Variants in LOXHD1 observed in about 807,000 individuals in gnomAD.
LOXHD1 encodes lipoxygenase homology PLAT domains 1.
Under a neutral mutation model 248.2 loss-of-function variants are expected in LOXHD1, and 205 were observed. That is an observed-to-expected ratio of 0.83 (90% confidence interval 0.74 to 0.93). The LOEUF (loss-of-function observed/expected upper bound fraction) is 0.93, where lower values mean the gene tolerates loss of function less well. LOXHD1 is among the 40% of genes least tolerant of loss of function. The pLI is 0.00. For missense variants in LOXHD1, 2,930 were observed against 2,971.6 expected, an observed-to-expected ratio of 0.99 and a Z score of 0.33; for synonymous variants, 1,113 against 1,162.8, an observed-to-expected ratio of 0.96 and a Z score of 0.87.
intron 21 of LOXHD1, among the ~76,000 whole-genome samples, chr18:46,547,734 C>T (rs1487066382): frequency 3.3e-5 from 5 of 152,306 alleles, no homozygotes; most frequent in South Asian, 2.1e-4. Context: ...ACCACTAATA[C>T]TTGTGCAATC....
intron 38 of LOXHD1, among the ~76,000 whole-genome samples, chr18:46,488,722 G>A (rs2033245609): frequency 6.6e-6 from 1 of 152,144 alleles, no homozygotes; most frequent in South Asian, 2.1e-4. Context: ...CAGCCTTCAG[G>A]TCAGGGTCAG....
intron 33 of LOXHD1, among the ~76,000 whole-genome samples, chr18:46,519,781 T>C (rs540908256): frequency 3.9e-5 from 6 of 152,198 alleles, no homozygotes; most frequent in African/African-American, 1.2e-4. Flanking sequence ...ACATCTCTTT[T>C]TATGTAATAA....
chr18:46,648,995 C>T (rs761890398), intron 2 of LOXHD1, among the ~76,000 whole-genome samples, 160 bp downstream of exon 2: 21 of 152,166 alleles, frequency 1.4e-4, no homozygotes, highest in South Asian at 2.1e-4. Flanking sequence ...GGGGGATCCC[C>T]AGCTGGTACA....
At chr18:46,508,506 C>T (rs1568112687) in intron 35 of LOXHD1, among the ~76,000 whole-genome samples, 1 of 152,128 alleles carries the variant, frequency 6.6e-6, no homozygotes, top group Non-Finnish European at 1.5e-5. Flanking sequence ...TTCTCTAGAG[C>T]CTTCAGAGGG....
intron 4 of LOXHD1, among the ~76,000 whole-genome samples, chr18:46,635,628 T>C (rs1599065897): frequency 2.0e-5 from 3 of 152,306 alleles, no homozygotes; most frequent in African/African-American, 7.2e-5. Context: ...GGACATAAGA[T>C]GCTAGCAATG....
At chr18:46,576,454 C>A (rs968180111) in intron 14 of LOXHD1, among the ~76,000 whole-genome samples, 1 of 152,122 alleles carries the variant, frequency 6.6e-6, no homozygotes, top group Admixed American at 6.5e-5. Context: ...CACCCCTCAG[C>A]CCCTTGCTCA....
intron 1 of LOXHD1, among the ~76,000 whole-genome samples, chr18:46,654,199 T>C (rs1315221372): frequency 6.6e-6 from 1 of 152,176 alleles, no homozygotes; most frequent in Non-Finnish European, 1.5e-5. Context: ...CTTCTCAGCC[T>C]CCAGAATTTT....
At position 46,541,809 on chromosome 18, in the gene LOXHD1, G is replaced by A. The variant is rs371363770; in HGVS notation, c.3880C>T (p.His1294Tyr). 2 of 1,551,722 alleles carry A rather than the reference G, an allele frequency of 1.3e-6. No homozygotes were observed. The highest frequency in any genetic ancestry group is 1.2e-5 in the South Asian group (1 of 84,062). Residue 1294 changes from histidine (H) to tyrosine (Y), a missense_variant, in exon 25 of 41, where the codon CAT becomes TAT. Coordinates refer to ENST00000642948, the MANE Select transcript of LOXHD1 (RefSeq NM_001384474.1). ...TACAGCCTCGTCTGAAGCTCTGCAT[G>A]GAAGAGGTCTCTGATGATGGACCCG... ...DDGSIIRDLFHAELQTRLYTP... is the reference protein window; with the variant it reads ...DDGSIIRDLFYAELQTRLYTP...
At chr18:46,623,934 A>G (rs1417534845) in intron 4 of LOXHD1, among the ~76,000 whole-genome samples, 2 of 152,224 alleles carry the variant, frequency 1.3e-5, no homozygotes, top group Non-Finnish European at 1.5e-5. Flanking sequence ...TCCCGACTAC[A>G]GAAGTCAAGC....
At chr18:46,564,676 T>TTTTATC (rs556637910) in intron 17 of LOXHD1, among the ~76,000 whole-genome samples, 3 of 152,302 alleles carry the variant, frequency 2.0e-5, no homozygotes, top group Non-Finnish European at 4.4e-5. Flanking sequence ...ACTATTGCTT[T>TTTTATC]TTTATCTTTA....
intron 34 of LOXHD1, among the ~76,000 whole-genome samples, chr18:46,516,812 C>T (rs2035276766): frequency 1.3e-5 from 2 of 151,854 alleles, no homozygotes; most frequent in Admixed American, 6.6e-5. Flanking sequence ...ATTACCACCA[C>T]CATCATCATC....
intron 34 of LOXHD1, among the ~76,000 whole-genome samples, chr18:46,515,216 G>A (rs1181102135): frequency 6.6e-6 from 1 of 152,090 alleles, no homozygotes; most frequent in African/African-American, 2.4e-5. Context: ...GCCTCATTCT[G>A]GTCACATACC....
chr18:46,579,817 C>T, intron 12 of LOXHD1, 33 bp from the exon 13 acceptor site: 1 of 1,538,332 alleles, frequency 6.5e-7, no homozygotes, highest in Non-Finnish European at 8.8e-7. Context: ...TCATTGCTGA[C>T]AGCCCCCTGC....
In LOXHD1 at chr18:46,496,835, T is replaced by G. The variant is rs563570197; in HGVS notation, c.5879-7693A>C. Among the ~76,000 whole-genome samples the G allele has an allele frequency of 2.9e-3, 435 of 152,218 alleles. 1 individual carries two copies. The highest frequency in any genetic ancestry group is 0.01 in the African/African-American group (424 of 41,530). ...CTGGCAAAAATGATGAAACCCCGCC[T>G]CTACTACAAATACAAAAATTAGCCG... On this transcript the variant is annotated intron_variant, in intron 37 of 40. Transcript: ENST00000642948.
intron 21 of LOXHD1, among the ~76,000 whole-genome samples, chr18:46,548,087 T>A (rs1266286598): frequency 1.3e-5 from 2 of 152,228 alleles, no homozygotes; most frequent in Non-Finnish European, 2.9e-5. Context: ...CTATTGTCGC[T>A]CTTGTAATTT....
At chr18:46,572,597 G>T (rs1207597243) in intron 14 of LOXHD1, among the ~76,000 whole-genome samples, 18 of 152,268 alleles carry the variant, frequency 1.2e-4, no homozygotes, top group African/African-American at 4.3e-4. Context: ...TAGGGCCTTG[G>T]CAATCACTGT....
intron 4 of LOXHD1, among the ~76,000 whole-genome samples, chr18:46,638,263 T>A (rs187947696): frequency 1.3e-5 from 2 of 152,266 alleles, no homozygotes; most frequent in Non-Finnish European, 2.9e-5. Context: ...TGTTTGCATA[T>A]ATCTATTTTC....
chr18:46,514,302 C>T (rs189008796), intron 34 of LOXHD1, among the ~76,000 whole-genome samples: 23 of 152,228 alleles, frequency 1.5e-4, no homozygotes, highest in African/African-American at 3.9e-4. Context: ...TTGCCTGACT[C>T]GGGTGCCCCT....
intron 12 of LOXHD1, among the ~76,000 whole-genome samples, chr18:46,580,060 T>C (rs1047528277): frequency 6.6e-6 from 1 of 152,228 alleles, no homozygotes; most frequent in African/African-American, 2.4e-5. Context: ...TTCCCAATCC[T>C]GTCAATTATC....
Sources: allele counts gnomAD v4.1 joint callset (sites outside exome capture counted in the v4.1 genomes callset), GRCh38; gene constraint gnomAD v4.1.1; transcripts MANE v1.5; gene names NCBI Gene and HGNC (gene_info 2026-07-23, HGNC 2026-07-21).